MAML3: variants seen among roughly 807,000 people sequenced by gnomAD.
MAML3 encodes mastermind like transcriptional coactivator 3.
In MAML3, 27 loss-of-function variants were observed where a neutral mutation model predicts 101.9. The ratio of observed to expected loss-of-function variants is 0.27; its 90% CI spans 0.20 to 0.37. The LOEUF (loss-of-function observed/expected upper bound fraction) is 0.37, where lower values mean the gene tolerates loss of function less well. MAML3 is among the 10% of genes least tolerant of loss of function. The pLI is 1.00. For synonymous variants in MAML3, 501 were observed against 555.9 expected (o/e 0.90, Z 1.39); for missense variants, 1,316 against 1,444.9 (o/e 0.91, Z 1.45).
intron 2 of MAML3, among the ~76,000 whole-genome samples, chr4:139,866,033 A>G (rs1731892996): frequency 6.6e-6 from 1 of 152,228 alleles, no homozygotes; most frequent in Admixed American, 6.5e-5. Flanking sequence ...ATGTCCCACA[A>G]ATGTAGGAAG....
At chr4:139,746,910 G>T (rs116088978) in intron 2 of MAML3, among the ~76,000 whole-genome samples, 1 of 152,106 alleles carries the variant, frequency 6.6e-6, no homozygotes, top group Admixed American at 6.5e-5. Flanking sequence ...GGTTGCTGGC[G>T]TCTGCTGTCC....
At chr4:140,103,661 G>T (rs969144362) in intron 1 of MAML3, among the ~76,000 whole-genome samples, 1 of 152,170 alleles carries the variant, frequency 6.6e-6, no homozygotes, top group Admixed American at 6.5e-5. Flanking sequence ...TTAAAAGACA[G>T]GAAAAATCAA....
At chr4:140,104,848 A>G (rs1728325339) in intron 1 of MAML3, among the ~76,000 whole-genome samples, 2 of 146,240 alleles carry the variant, frequency 1.4e-5, no homozygotes, top group Admixed American at 6.9e-5. Context: ...TCATTATAAA[A>G]CTTTAATTTT....
chr4:140,119,693 C>G (rs915025900), intron 1 of MAML3, among the ~76,000 whole-genome samples: 10 of 142,782 alleles, frequency 7.0e-5, no homozygotes, highest in Non-Finnish European at 7.6e-5. Flanking sequence ...ACAATCATAG[C>G]TCACTGCAGC....
At chr4:140,121,875 G>C (rs942258692) in intron 1 of MAML3, among the ~76,000 whole-genome samples, 1 of 152,156 alleles carries the variant, frequency 6.6e-6, no homozygotes, top group African/African-American at 2.4e-5. Flanking sequence ...GGACCCAGTG[G>C]GGGGTAACTG....
At chr4:140,105,786 T>G (rs952868701) in intron 1 of MAML3, among the ~76,000 whole-genome samples, 3 of 152,138 alleles carry the variant, frequency 2.0e-5, no homozygotes, top group African/African-American at 7.2e-5. Context: ...AATCAAGTGA[T>G]GGAGACACTG....
chr4:139,730,707 T>C (rs749261371), intron 2 of MAML3, 40 bp from the exon 3 acceptor site: 39 of 1,567,656 alleles, frequency 2.5e-5, no homozygotes, highest in East Asian at 2.3e-5. Context: ...GGATTCCCCA[T>C]AGAGACTCAC....
intron 1 of MAML3, among the ~76,000 whole-genome samples, chr4:139,967,541 C>G (rs1734159196): frequency 6.7e-6 from 1 of 150,080 alleles, no homozygotes; most frequent in African/African-American, 2.4e-5. Flanking sequence ...CGGCAGTTTC[C>G]CAAATGAGAT....
intron 2 of MAML3, among the ~76,000 whole-genome samples, chr4:139,753,361 T>TATC (rs1729564038): frequency 6.6e-6 from 1 of 152,022 alleles, no homozygotes; most frequent in Admixed American, 6.6e-5. Flanking sequence ...TCTATCTATC[T>TATC]ATCTATCTAT....
chr4:140,141,336 T>C (rs572450770), intron 1 of MAML3, among the ~76,000 whole-genome samples: 1 of 152,168 alleles, frequency 6.6e-6, no homozygotes, highest in Non-Finnish European at 1.5e-5. Context: ...TTTGATGCAT[T>C]TTCTACAGTT....
intron 1 of MAML3, among the ~76,000 whole-genome samples, chr4:139,993,621 T>C (rs1473663966): frequency 4.6e-5 from 7 of 151,774 alleles, no homozygotes; most frequent in Non-Finnish European, 2.9e-5. Flanking sequence ...AGGTTGGGAG[T>C]TCGAGACCAG....
At chr4:139,880,711 G>A (rs1286479022) in intron 2 of MAML3, among the ~76,000 whole-genome samples, 1 of 152,102 alleles carries the variant, frequency 6.6e-6, no homozygotes, top group Non-Finnish European at 1.5e-5. Context: ...CTCTATTGGA[G>A]CCAAAAGTGT....
intron 1 of MAML3, among the ~76,000 whole-genome samples, chr4:139,910,770 G>A (rs540740086): frequency 6.6e-6 from 1 of 152,242 alleles, no homozygotes; most frequent in Admixed American, 6.5e-5. Flanking sequence ...TGAAGGAGAA[G>A]GGAAGTCAGG....
chr4:139,879,491 A>C (rs1578643875), intron 2 of MAML3, among the ~76,000 whole-genome samples: 1 of 147,844 alleles, frequency 6.8e-6, no homozygotes, highest in East Asian at 2.0e-4. Context: ...GTGCCACTGC[A>C]CTCCAGCCTG....
At chr4:139,972,468 G>A (rs1433338898) in intron 1 of MAML3, among the ~76,000 whole-genome samples, 2 of 152,186 alleles carry the variant, frequency 1.3e-5, no homozygotes, top group African/African-American at 4.8e-5. Context: ...TTTTGACTCA[G>A]AGATGCATCA....
At chr4:140,147,015 C>T (rs1284106528) in intron 1 of MAML3, among the ~76,000 whole-genome samples, 1 of 151,070 alleles carries the variant, frequency 6.6e-6, no homozygotes, top group Non-Finnish European at 1.5e-5. Flanking sequence ...TGCCTGTAGT[C>T]TCAGCTACTC....
chr4:139,996,303 G>A (rs1284767065), intron 1 of MAML3, among the ~76,000 whole-genome samples: 2 of 152,154 alleles, frequency 1.3e-5, no homozygotes, highest in Non-Finnish European at 2.9e-5. Flanking sequence ...TATAGCATTG[G>A]TGATTAGAGA....
rs2111073036 is a variant in MAML3 at position 140,153,440 on chromosome 4, A to C, written c.-113T>G. 2 of 1,191,084 alleles carry C rather than the reference A, an allele frequency of 1.7e-6. No individual in the cohort carries two copies. Among genetic ancestry groups the C allele is most frequent in the East Asian group, 3.7e-5 (1 of 27,360 alleles). 73.8% of individuals were successfully genotyped at this position (1,191,084 alleles called of 1,614,324 possible). A position where few individuals can be genotyped will look rare whatever the true frequency, so the allele number is the denominator to read the frequency against. On this transcript the variant is annotated 5_prime_UTR_variant, in exon 1 of 5. Transcript: ENST00000509479. The stretch of plus-strand genomic sequence containing the variant: ...TTAAGTGGAACGCGGGGGAGACGCA[A>C]GCACATGGATGGAAACGGCGATCCC...
At chr4:139,805,115 C>T (rs59540985) in intron 2 of MAML3, among the ~76,000 whole-genome samples, 3,021 of 152,166 alleles carry the variant, frequency 0.02, 174 homozygotes, top group East Asian at 0.15. Context: ...AACCGGGAGG[C>T]GGAGGTTGCG....
Sources: gnomAD v4.1 joint callset for allele counts (sites outside exome capture counted in the v4.1 genomes callset) on GRCh38, gnomAD v4.1.1 for gene constraint, MANE v1.5 for transcripts, NCBI Gene and HGNC (gene_info 2026-07-23, HGNC 2026-07-21) for gene names.